The following DOT1L variants were observed in gnomAD, a reference collection of about 807,000 sequenced individuals.
DOT1L encodes DOT1 like histone lysine methyltransferase, also known as histone-lysine N-methyltransferase, H3 lysine-79 specific.
Under a neutral mutation model 153.3 loss-of-function variants are expected in DOT1L, and 33 were observed. The observed-to-expected ratio is 0.22, with a 90% CI of 0.16 to 0.29. The LOEUF (loss-of-function observed/expected upper bound fraction) is 0.29, where lower values mean the gene tolerates loss of function less well. DOT1L is among the 10% of genes least tolerant of loss of function. The pLI is 1.00. For missense variants in DOT1L, 1,847 were observed against 2,119.9 expected (o/e 0.87, Z 2.53); for synonymous variants, 1,135 against 965.1 (o/e 1.18, Z -3.26).
chr19:2,186,843 C>T (rs76170302), intron 3 of DOT1L, among the ~76,000 whole-genome samples: 5,287 of 152,338 alleles, frequency 0.035, 302 homozygotes, highest in African/African-American at 0.12. Flanking sequence ...CGCCACCCCC[C>T]CTCATTGGGC....
Position 2,220,004 on chromosome 19 carries a change from C to A in DOT1L, c.2692-104C>A. 1 of 1,076,254 alleles carries A rather than the reference C, an allele frequency of 9.3e-7. No homozygotes were observed. The highest frequency in any genetic ancestry group is 2.6e-4 in the Middle Eastern group (1 of 3,872). 66.7% of individuals were successfully genotyped at this position (1,076,254 alleles called of 1,614,324 possible). ...CGGTACTGGACGGTGACCCCGGCGG[C>A]CTCCCCCAGCCAGCTGCAGGCCTCA... On this transcript the variant is annotated intron_variant, in intron 22 of 27. Coordinates refer to ENST00000398665, the MANE Select transcript of DOT1L (RefSeq NM_032482.3). The surrounding 1 kb of genome is among the most constrained non-coding windows in gnomAD (Gnocchi z 4.5).
At chr19:2,172,060 C>G (rs2021663286) in intron 1 of DOT1L, among the ~76,000 whole-genome samples, 1 of 152,164 alleles carries the variant, frequency 6.6e-6, no homozygotes. Context: ...TGTGGAAACC[C>G]CAGGGGAGGA....
chr19:2,188,488 C>G lies in DOT1L; in HGVS notation c.201-1244C>G, dbSNP rs967742554. On this transcript the variant is annotated intron_variant, in intron 3 of 27. Coordinates refer to ENST00000398665, the MANE Select transcript of DOT1L (RefSeq NM_032482.3). ...AAGAGTCCCCAGCCGCCGCCCCCCC[C>G]CCCCCCACCCGCACAGGTGCAGGCC... Among the ~76,000 whole-genome samples, 7 of 127,540 alleles carry G rather than the reference C, an allele frequency of 5.5e-5. 1 individual carries two copies. The highest frequency in any genetic ancestry group is 3.1e-4 in the South Asian group (1 of 3,254). 83.7% of individuals were successfully genotyped at this position (127,540 alleles called of 152,430 possible). A position where few individuals can be genotyped will look rare whatever the true frequency, so the allele number is the denominator to read the frequency against.
intron 1 of DOT1L, among the ~76,000 whole-genome samples, chr19:2,171,307 G>A (rs1247069320): frequency 6.6e-6 from 1 of 152,196 alleles, no homozygotes; most frequent in Non-Finnish European, 1.5e-5. Context: ...CCTTTTACCT[G>A]GAGGATCCCT....
At chr19:2,201,390 C>A (rs902192020) in intron 8 of DOT1L, among the ~76,000 whole-genome samples, 1 of 151,750 alleles carries the variant, frequency 6.6e-6, no homozygotes, top group Non-Finnish European at 1.5e-5. Flanking sequence ...TCATCCTCCC[C>A]ATGCCTCTCG....
chr19:2,217,126 G>C lies in DOT1L; in HGVS notation c.2544+36G>C. On this transcript the variant is annotated intron_variant, in intron 21 of 27. Transcript: ENST00000398665. The surrounding 1 kb of genome is among the most constrained non-coding windows in gnomAD (Gnocchi z 7.3). ...CGACCCCTGCCCCGGGCTCAGGGAG[G>C]TGCTCAGCAGAGGCGGCCTGAGCGA... The C allele has an allele frequency of 1.3e-6, 2 of 1,545,210 alleles. No homozygotes were observed. The highest frequency in any genetic ancestry group is 1.7e-6 in the Non-Finnish European group (2 of 1,146,062).
At position 2,198,208 on chromosome 19, in the gene DOT1L, C is replaced by T. The variant is rs183967710; in HGVS notation, c.652-1676C>T. 4.2e-4 allele frequency among the ~76,000 whole-genome samples: 64 copies of T among 152,322 alleles called. 1 individual carries two copies. Among genetic ancestry groups the T allele is most frequent in the Admixed American group, 2.6e-3 (40 of 15,308 alleles). On this transcript the variant is annotated intron_variant, in intron 7 of 27. Coordinates refer to ENST00000398665, the MANE Select transcript of DOT1L (RefSeq NM_032482.3). ...CGGATCTGCTTAGTGCTGCTCAGGA[C>T]TTGGGATTTGAGTCATTTCCTGGGT...
At chr19:2,228,404 G>A (rs574477660) in intron 27 of DOT1L, 1 of 1,257,200 alleles carries the variant, frequency 8.0e-7, no homozygotes, top group South Asian at 1.4e-5. Flanking sequence ...GCCCTGCGCG[G>A]TGGCTCACTC....
At chr19:2,229,250 G>A (rs2024498047) in intron 27 of DOT1L, 1 of 985,334 alleles carries the variant, frequency 1.0e-6, no homozygotes, top group African/African-American at 1.7e-5. Flanking sequence ...AGGGCAGTTG[G>A]CCACCCGTGC....
Position 2,210,429 on chromosome 19 carries a change from G to C in DOT1L, c.1035G>C (p.Gln345His). Residue 345 changes from glutamine to histidine, a missense_variant, in exon 13 of 28, where the codon CAG (glutamine) becomes CAC (histidine). This residue lies in a region of DOT1L where 205 missense variants were observed against 203.1 expected (regional missense o/e 1.01). Transcript: ENST00000398665. Reference sequence around the variant, plus strand: ...AACAGGAGGCAGCCCGGCGCCGCCAGCAGCGCGAGAGCAAGAGCAACGCGG... The same window carrying C: ...AACAGGAGGCAGCCCGGCGCCGCCACCAGCGCGAGAGCAAGAGCAACGCGG... ...REEQEAARRRQQRESKSNAAT... is the reference protein window; with the variant it reads ...REEQEAARRRHQRESKSNAAT... 6.4e-7 allele frequency: 1 copy of C among 1,559,294 alleles called. No individual in the cohort carries two copies. The highest frequency in any genetic ancestry group is 8.7e-7 in the Non-Finnish European group (1 of 1,155,718).
rs1190096943 is a variant in DOT1L, at chr19:2,222,874, C to T, written c.3390+315C>T. 24 of 392,518 alleles carry T rather than the reference C, an allele frequency of 6.1e-5. No individual in the cohort carries two copies. The highest frequency in any genetic ancestry group is 4.3e-4 in the East Asian group (10 of 23,292). 24.3% of individuals were successfully genotyped at this position (392,518 alleles called of 1,614,324 possible). ...TGGGCCACAGAGCGAGACTCCCTCT[C>T]GGGGGGACAAAAAAAAACACAAAAA... On this transcript the variant is annotated intron_variant, in intron 24 of 27. Transcript: ENST00000398665. The surrounding 1 kb of genome is among the most constrained non-coding windows in gnomAD (Gnocchi z 6.5).
Position 2,193,844 on chromosome 19 carries a change from C to T in DOT1L, c.588+61C>T, listed in dbSNP as rs2022900357. Reference sequence around the variant, plus strand: ...AGGGGACCATCAGAGAAAGTGACGCCCTGGGTGCCTGCACCCCACTGCTGT... The same window carrying T: ...AGGGGACCATCAGAGAAAGTGACGCTCTGGGTGCCTGCACCCCACTGCTGT... On this transcript the variant is annotated intron_variant, in intron 6 of 27. Transcript: ENST00000398665. This position sits in a 1 kb window ranked among gnomAD's most constrained non-coding sequence, Gnocchi z 5.9. 2 of 1,542,904 alleles carry T rather than the reference C, an allele frequency of 1.3e-6. No individual in the cohort carries two copies. Among genetic ancestry groups the T allele is most frequent in the East Asian group, 2.3e-5 (1 of 44,182 alleles).
chr19:2,177,184 T>G (rs1293250986), intron 1 of DOT1L, among the ~76,000 whole-genome samples: 4 of 152,170 alleles, frequency 2.6e-5, no homozygotes, highest in African/African-American at 7.2e-5. Context: ...GCCACTCGGC[T>G]GTGGGCACCC....
chr19:2,201,139 GCATTCCTCGTCC>G (rs2023259894), intron 8 of DOT1L, among the ~76,000 whole-genome samples: 3 of 41,108 alleles, frequency 7.3e-5, no homozygotes, highest in African/African-American at 1.7e-4. Context: ...CGTCCTCCCC[GCATTCCTCGTCC>G]TCCCCTCATT....
At chr19:2,228,426 C>T in intron 27 of DOT1L, 1 of 1,239,572 alleles carries the variant, frequency 8.1e-7, no homozygotes, top group South Asian at 1.4e-5. Flanking sequence ...AGACACTGAA[C>T]TGTCCTTCCT....
Position 2,193,091 on chromosome 19 carries a change from G to A in DOT1L, c.494-598G>A, listed in dbSNP as rs1468634197. On this transcript the variant is annotated intron_variant, in intron 5 of 27. Coordinates refer to ENST00000398665, the MANE Select transcript of DOT1L (RefSeq NM_032482.3). The surrounding 1 kb of genome is among the most constrained non-coding windows in gnomAD (Gnocchi z 5.9). ...GCGCCGCTGCCTCCACCCTCCTGAC[G>A]CTGGCGTATCTGCAGCCCCTGTTCC... 6.6e-6 allele frequency among the ~76,000 whole-genome samples: 1 copy of A among 152,176 alleles called. No homozygotes were observed. Among genetic ancestry groups the A allele is most frequent in the Non-Finnish European group, 1.5e-5 (1 of 68,036 alleles).
intron 9 of DOT1L, among the ~76,000 whole-genome samples, chr19:2,203,396 C>G (rs1198640636): frequency 6.6e-6 from 1 of 152,202 alleles, no homozygotes; most frequent in African/African-American, 2.4e-5. Flanking sequence ...GCCATTGTGC[C>G]CAGCCCTGGA....
chr19:2,168,904 G>A lies in DOT1L; in HGVS notation c.81+4639G>A, dbSNP rs572708207. On this transcript the variant is annotated intron_variant, in intron 1 of 27. Coordinates refer to ENST00000398665, the MANE Select transcript of DOT1L (RefSeq NM_032482.3). ...GCTAGGATTACAGGCATGAGCCACC[G>A]TGCCTGGCCCTGCGTGGTATTTCTA... Among the ~76,000 whole-genome samples the A allele has an allele frequency of 2.0e-3, 307 of 152,262 alleles. 1 individual carries two copies. Among genetic ancestry groups the A allele is most frequent in the African/African-American group, 6.7e-3 (279 of 41,542 alleles).
At chr19:2,219,597 G>A (rs1285549739) in intron 22 of DOT1L, among the ~76,000 whole-genome samples, 5 of 152,230 alleles carry the variant, frequency 3.3e-5, no homozygotes, top group African/African-American at 1.2e-4. Context: ...CTGTGTGGAT[G>A]TAGGTTTGCT....
Sources: gnomAD v4.1 joint callset for allele counts (sites outside exome capture counted in the v4.1 genomes callset) on GRCh38, gnomAD v4.1.1 for gene constraint, gnomAD v4.1.1 regional missense constraint, Gnocchi (gnomAD v3.1) non-coding constraint, MANE v1.5 for transcripts, NCBI Gene and HGNC (gene_info 2026-07-23, HGNC 2026-07-21) for gene names.